Variants in ZNF25 observed in about 807,000 individuals in gnomAD.
The protein encoded by ZNF25 is zinc finger protein 25.
ZNF25 carries 21 observed loss-of-function variants against 30.9 expected under a neutral mutation model. That is an observed-to-expected ratio of 0.68 (90% confidence interval 0.48 to 0.98). The LOEUF is 0.98. Ranked by LOEUF, ZNF25 falls within the 50% of genes least tolerant of loss-of-function variation. The pLI, the probability that ZNF25 is intolerant of heterozygous loss-of-function variation, is 0.00. For missense variants in ZNF25, 501 were observed against 529.9 expected, an observed-to-expected ratio of 0.95 and a Z score of 0.54; for synonymous variants, 169 against 181.3, an observed-to-expected ratio of 0.93 and a Z score of 0.55.
chr10:37,958,610 A>G (rs1306509269), intron 2 of ZNF25, among the ~76,000 whole-genome samples: 1 of 152,218 alleles, frequency 6.6e-6, no homozygotes, highest in East Asian at 1.9e-4. Context: ...ATACCTTTGC[A>G]TGTATTAATG....
chr10:37,957,436 A>G lies in ZNF25; in HGVS notation c.126T>C (p.Ser42=), dbSNP rs1485359219. 3 of 1,613,426 alleles carry G rather than the reference A, an allele frequency of 1.9e-6. No individual in the cohort carries two copies. In the Admixed American group the frequency reaches 5.0e-5, roughly 27 times the overall value. ...TTTCCTCACCCACTGAGACAAGGTGACTATAGTTTTCCAGCATCACATCCT... is the reference window on the plus strand; with the variant it reads ...TTTCCTCACCCACTGAGACAAGGTGGCTATAGTTTTCCAGCATCACATCCT... The part of the protein sequence containing the change: ...LYKDVMLENY[S]HLVSVGYHVN... The change falls in exon 3 of 6, where the codon AGT becomes AGC. Residue 42 remains serine, a synonymous_variant. Coordinates refer to ENST00000302609, the MANE Select transcript of ZNF25 (RefSeq NM_145011.4).
At position 37,952,693 on chromosome 10, in the gene ZNF25, G is replaced by C. The variant is rs147098576; in HGVS notation, c.805C>G (p.Gln269Glu). 32 of 1,610,400 alleles carry C rather than the reference G, an allele frequency of 2.0e-5. No homozygotes were observed. Among genetic ancestry groups the C allele is most frequent in the Non-Finnish European group, 2.6e-5 (31 of 1,178,976 alleles). ...TGATGTACTGTGAGGTGTGACTTCTGGGAAAAGGCTTTCCCACACTCCTTA... is the reference window on the plus strand; with the variant it reads ...TGATGTACTGTGAGGTGTGACTTCTCGGAAAAGGCTTTCCCACACTCCTTA... Reference protein sequence around the residue: ...ECKECGKAFSQKSHLTVHQRM... With the variant: ...ECKECGKAFSEKSHLTVHQRM... Residue 269 changes from glutamine to glutamate, a missense_variant, in exon 6 of 6, where the codon CAG (glutamine) becomes GAG (glutamate). Transcript: ENST00000302609.
chr10:37,974,461 GAACA>G (rs1379954393), intron 1 of ZNF25, among the ~76,000 whole-genome samples: 1 of 152,156 alleles, frequency 6.6e-6, no homozygotes, highest in African/African-American at 2.4e-5. Flanking sequence ...CAAATGATCT[GAACA>G]GACATTCCAC....
chr10:37,958,091 T>C (rs1458877887), intron 2 of ZNF25, among the ~76,000 whole-genome samples: 3 of 152,180 alleles, frequency 2.0e-5, no homozygotes, highest in Non-Finnish European at 4.4e-5. Context: ...TCATAACATA[T>C]CCCTGTCACT....
Position 37,976,168 on chromosome 10 carries a change from C to T in ZNF25, c.-86+338G>A, listed in dbSNP as rs562167196. Among the ~76,000 whole-genome samples, 5 of 152,372 alleles carry T rather than the reference C, an allele frequency of 3.3e-5. No individual in the cohort carries two copies. The East Asian group carries it at 9.6e-4, about 29-fold the overall frequency. On this transcript the variant is annotated intron_variant, in intron 1 of 5. Transcript: ENST00000302609. ...AGATGCGCGTCGAGCCGCACTGGGA[C>T]CACCTACAGACGCTGGACCAGAGCC...
chr10:37,964,646 T>C (rs2092995), intron 2 of ZNF25, among the ~76,000 whole-genome samples: 133,482 of 152,190 alleles, frequency 0.88, 58,668 homozygotes, highest in South Asian at 0.94. Context: ...CTGCTCCTAA[T>C]AGCCTTTGAT....
In ZNF25 at chr10:37,952,667, C is replaced by G. The variant is rs777353120; in HGVS notation, c.831G>C (p.Gln277His). ...FSQKSHLTVHQRMHTGEKPYK... is the reference protein window; with the variant it reads ...FSQKSHLTVHHRMHTGEKPYK... ...AGGGTTTCTCCCCTGTGTGCATTCT[C>G]TGATGTACTGTGAGGTGTGACTTCT... The change falls in exon 6 of 6, where the codon CAG (glutamine) becomes CAC (histidine). Residue 277 changes from glutamine to histidine, a missense_variant. Coordinates refer to ENST00000302609, the MANE Select transcript of ZNF25 (RefSeq NM_145011.4). The G allele has an allele frequency of 7.4e-6, 12 of 1,613,856 alleles. No individual in the cohort carries two copies. The highest frequency in any genetic ancestry group is 8.5e-6 in the Non-Finnish European group (10 of 1,179,938).
intron 2 of ZNF25, among the ~76,000 whole-genome samples, chr10:37,965,327 C>T (rs1243591471): frequency 6.6e-6 from 1 of 152,140 alleles, no homozygotes; most frequent in Non-Finnish European, 1.5e-5. Context: ...GGACCACTGC[C>T]CTCCATACTT....
chr10:37,971,507 G>A (rs1352958905), intron 2 of ZNF25, among the ~76,000 whole-genome samples: 4 of 151,950 alleles, frequency 2.6e-5, no homozygotes, highest in Non-Finnish European at 4.4e-5. Context: ...GAGCTCCCAG[G>A]GATCTGCAGA....
At position 37,953,756 on chromosome 10, in the gene ZNF25, C is replaced by G. The variant is rs1373729164; in HGVS notation, c.241G>C (p.Asp81His). 2 of 1,613,452 alleles carry G rather than the reference C, an allele frequency of 1.2e-6. No individual in the cohort carries two copies. Among genetic ancestry groups the G allele is most frequent in the Non-Finnish European group, 1.7e-6 (2 of 1,179,650 alleles). Residue 81 changes from aspartate to histidine, a missense_variant and splice_region_variant, in exon 5 of 6, where the codon GAC (aspartate) becomes CAC (histidine). Asp to His is a moderately conservative substitution (Grantham distance 81). Transcript: ENST00000302609. ...TCTAGATCATGAATGCTCCATAGGT[C>G]TTCTACAAGGGAACCAAAAATGTAA... ...VEFPHRGFPE[D>H]LWSIHDLEAR...
intron 2 of ZNF25, among the ~76,000 whole-genome samples, chr10:37,958,279 T>C (rs1245510286): frequency 6.6e-6 from 1 of 152,196 alleles, no homozygotes; most frequent in African/African-American, 2.4e-5. Context: ...TGTTAGATTT[T>C]ATTAGGTGGT....
chr10:37,957,543 G>T lies in ZNF25; in HGVS notation c.19C>A (p.Pro7Thr). Residue 7 changes from proline to threonine, a missense_variant, in exon 3 of 6, where the codon CCC becomes ACC. Physicochemically the swap from Pro to Thr is conservative, Grantham distance 38 (BLOSUM62 -1). Transcript: ENST00000302609. MNKFQG[P>T]VTLKDVIVEF... ...ACAATAACATCCTTTAATGTCACGG[G>T]TCCCTGGAATAACATACTTCAGTTC... 3 of 1,612,466 alleles carry T rather than the reference G, an allele frequency of 1.9e-6. No individual in the cohort carries two copies. The highest frequency in any genetic ancestry group is 1.7e-6 in the Non-Finnish European group (2 of 1,179,298).
chr10:37,972,614 A>G (rs1021228232), intron 1 of ZNF25, among the ~76,000 whole-genome samples: 1 of 152,204 alleles, frequency 6.6e-6, no homozygotes, highest in Non-Finnish European at 1.5e-5. Context: ...TCTACCTTCT[A>G]AAATAACAGT....
At position 37,953,702 on chromosome 10, in the gene ZNF25, T is replaced by C; in HGVS notation, c.295A>G (p.Asn99Asp). The change falls in exon 5 of 6, where the codon AAT (asparagine) becomes GAT (aspartate). Residue 99 changes from asparagine (N) to aspartate (D), a missense_variant. Transcript: ENST00000302609. ...EARYQESQAG[N>D]SRNGELTKHQ... The stretch of plus-strand genomic sequence containing the variant: ...ATTAATTCTTGAACTTGCCTTGAAT[T>C]TCCAGCTTGGCTTTCCTGGTATCTT... 3 of 1,614,016 alleles carry C rather than the reference T, an allele frequency of 1.9e-6. No individual in the cohort carries two copies. The highest frequency in any genetic ancestry group is 1.7e-6 in the Non-Finnish European group (2 of 1,179,916).
chr10:37,972,532 G>A (rs1418569487), intron 1 of ZNF25, among the ~76,000 whole-genome samples: 1 of 152,140 alleles, frequency 6.6e-6, no homozygotes, highest in Non-Finnish European at 1.5e-5. Flanking sequence ...CTTGGGCTGG[G>A]CCTAAGGTAA....
intron 2 of ZNF25, among the ~76,000 whole-genome samples, chr10:37,960,458 C>CAAAAAAAA (rs762155535): frequency 6.2e-5 from 7 of 113,748 alleles, no homozygotes; most frequent in African/African-American, 2.2e-4. Context: ...ACTAAAAATA[C>CAAAAAAAA]AAAAAAAAAA....
In ZNF25 at chr10:37,971,810, G is replaced by T; in HGVS notation, c.-85-3C>A. ...TAGCTGGCAGCCCCAGGAATCACCT[G>T]TGAGAAATTTCCATACAACATTTTA... On this transcript the variant is annotated splice_polypyrimidine_tract_variant and splice_region_variant and intron_variant, in intron 1 of 5. Coordinates refer to ENST00000302609, the MANE Select transcript of ZNF25 (RefSeq NM_145011.4). 6.3e-7 allele frequency: 1 copy of T among 1,579,518 alleles called. No individual in the cohort carries two copies. The highest frequency in any genetic ancestry group is 8.7e-7 in the Non-Finnish European group (1 of 1,149,426).
Position 37,952,204 on chromosome 10 carries a change from C to T in ZNF25, c.1294G>A (p.Gly432Arg), listed in dbSNP as rs546021917. Residue 432 changes from glycine to arginine, a missense_variant, in exon 6 of 6, where the codon GGG (glycine) becomes AGG (arginine). By Grantham distance (125) the Gly-to-Arg change is moderately radical. Transcript: ENST00000302609. ...TGTGACTTCTGGATAAAGGTTTCCC[C>T]ACACTCCTGACACTCATAGGGCTTC... ...GEKPYECQEC[G>R]ETFIQKSQLT... is the part of the protein sequence containing the mutation. 7 of 1,613,226 alleles carry T rather than the reference C, an allele frequency of 4.3e-6. No individual in the cohort carries two copies. In the Middle Eastern group the frequency reaches 6.6e-4, roughly 152 times the overall value.
chr10:37,960,607 G>A (rs898958082), intron 2 of ZNF25, among the ~76,000 whole-genome samples: 153 of 120,202 alleles, frequency 1.3e-3, no homozygotes, highest in African/African-American at 4.2e-3. Context: ...CTGGGTGACC[G>A]AGCAAGACTC....
Sources: allele counts gnomAD v4.1 joint callset (sites outside exome capture counted in the v4.1 genomes callset), GRCh38; gene constraint gnomAD v4.1.1; transcripts MANE v1.5; gene names NCBI Gene and HGNC (gene_info 2026-07-23, HGNC 2026-07-21).